The following NFKBID variants were observed in gnomAD, a reference collection of about 807,000 sequenced individuals.
The protein encoded by NFKBID is NFKB inhibitor delta, also known as NF-kappa-B inhibitor delta.
In NFKBID, 26 loss-of-function variants were observed where a neutral mutation model predicts 53.4. The ratio of observed to expected loss-of-function variants is 0.49; its 90% CI spans 0.36 to 0.68. The LOEUF is 0.68. NFKBID is among the 30% of genes least tolerant of loss of function. The pLI, the probability that NFKBID is intolerant of heterozygous loss-of-function variation, is 0.00. For missense variants in NFKBID, 493 were observed against 614.1 expected (o/e 0.80, Z 2.08); for synonymous variants, 262 against 259.8 (o/e 1.01, Z -0.08).
upstream of NFKBID, among the ~76,000 whole-genome samples, chr19:35,900,827 C>CTTTTTTTTTTTTTTTTTTTTTT (rs60365058): frequency 2.9e-4 from 31 of 107,604 alleles, no homozygotes; most frequent in South Asian, 6.1e-4. Flanking sequence ...TTTTTCTTTT[C>CTTTTTTTTTTTTTTTTTTTTTT]TTTTTTTTTT....
upstream of NFKBID, chr19:35,902,190 T>C (rs1439564553): frequency 1.4e-6 from 1 of 702,984 alleles, no homozygotes; most frequent in African/African-American, 1.7e-5. Context: ...CCCACTTCCC[T>C]ACCTTTCATC....
Position 35,889,889 on chromosome 19 carries a change from C to A in NFKBID, c.1314+1G>T, listed in dbSNP as rs1255111788. On this transcript the variant is annotated splice_donor_variant, in intron 11 of 11. Transcript: ENST00000641389. LOFTEE classifies it high-confidence loss of function. ...TACAGGCAGGCTCAGTGCTTACTTA[C>A]CCCCTCAGGGCCCGGCCCGGGCCGC... The A allele has an allele frequency of 6.2e-7, 1 of 1,604,754 alleles. No homozygotes were observed. The highest frequency in any genetic ancestry group is 8.5e-7 in the Non-Finnish European group (1 of 1,174,304).
intron 1 of NFKBID, 87 bp from the exon 2 acceptor site, chr19:35,898,909 G>A (rs557732315): frequency 1.0e-4 from 103 of 1,002,974 alleles, no homozygotes; most frequent in Non-Finnish European, 1.4e-4. Flanking sequence ...GTGGGTTTGG[G>A]CACCCTCCTC....
chr19:35,899,240 G>A (rs1212370895), intron 1 of NFKBID, among the ~76,000 whole-genome samples: 1 of 152,048 alleles, frequency 6.6e-6, no homozygotes, highest in Non-Finnish European at 1.5e-5. Flanking sequence ...CCTAGAACCT[G>A]ACCCGGAAAT....
At chr19:35,890,324 C>G (rs763237350) in intron 10 of NFKBID, 50 bp downstream of exon 10, 54 of 1,296,784 alleles carry the variant, frequency 4.2e-5, no homozygotes, top group Non-Finnish European at 5.7e-5. Flanking sequence ...ATCCCACTGC[C>G]CCCCCTACCG....
Position 35,888,628 on chromosome 19 carries a change from AG to A in NFKBID, c.1315-17del. 2 of 1,566,966 alleles carry A rather than the reference AG, an allele frequency of 1.3e-6. No homozygotes were observed. ...GCTGCCGGAGCTGTAGACAAGGCAA[AG>A]GAGGGAGAGAAGTCTGTCAGGTTGG... is the stretch of plus-strand genomic sequence containing the variant. On this transcript the variant is annotated splice_polypyrimidine_tract_variant and intron_variant, in intron 11 of 11. Coordinates refer to ENST00000641389, the Ensembl canonical transcript of NFKBID.
chr19:35,897,697 G>A (rs906325084), exon 4 of NFKBID: 18 of 1,610,434 alleles, frequency 1.1e-5, no homozygotes, highest in Non-Finnish European at 1.5e-5. Context: ...GTCCGAGGGT[G>A]GGTAGAAGTC....
At chr19:35,890,698 T>C (rs1974705572) in intron 9 of NFKBID, 2 of 610,786 alleles carry the variant, frequency 3.3e-6, no homozygotes, top group Non-Finnish European at 6.1e-6. Context: ...ACCTCATCTC[T>C]ACAAAAAATA....
chr19:35,887,960 A>C (rs1974511214), downstream of NFKBID: 1 of 152,196 alleles, frequency 6.6e-6, no homozygotes, highest in African/African-American at 2.4e-5. Context: ...AATCTGGCCC[A>C]AATTGAGTTT....
chr19:35,892,150 C>A (rs760674984), intron 9 of NFKBID, among the ~76,000 whole-genome samples: 10 of 151,910 alleles, frequency 6.6e-5, no homozygotes, highest in Non-Finnish European at 1.5e-4. Context: ...TCCCCAGGTT[C>A]AGGTGATCCT....
rs755748367 is a variant in NFKBID at position 35,896,536 on chromosome 19, G to A, written c.687C>T (p.Thr229=). Residue 229 remains threonine, a splice_region_variant and synonymous_variant, in exon 7 of 12, where the codon ACC becomes ACT. Transcript: ENST00000641389. This position sits in a 1 kb window ranked among gnomAD's most constrained non-coding sequence, Gnocchi z 5.7. ...TGGCAGCAGCCGCCACCAGGAGAGG[G>A]GTCTGCAGGCCACAGGAGAAGTCAG... is the stretch of plus-strand genomic sequence containing the variant. 3.7e-6 allele frequency: 6 copies of A among 1,613,934 alleles called. No individual in the cohort carries two copies. The highest frequency in any genetic ancestry group is 5.1e-6 in the Non-Finnish European group (6 of 1,179,868).
chr19:35,897,861 G>A lies in NFKBID; in HGVS notation c.227-5C>T, dbSNP rs530005747. Reference sequence around the variant, plus strand: ...GTGCTGGGAAGGGAGGGTGGCCTGCGTGTAAGAGGAGGGGCAGGGGCAGGT... The same window carrying A: ...GTGCTGGGAAGGGAGGGTGGCCTGCATGTAAGAGGAGGGGCAGGGGCAGGT... On this transcript the variant is annotated splice_region_variant and splice_polypyrimidine_tract_variant and intron_variant, in intron 3 of 11. Coordinates refer to ENST00000641389, the Ensembl canonical transcript of NFKBID. The A allele has an allele frequency of 9.1e-6, 14 of 1,539,206 alleles. No homozygotes were observed. The South Asian group carries it at 1.1e-4, about 12-fold the overall frequency.
chr19:35,897,110 G>C, intron 4 of NFKBID, 52 bp from the exon 5 acceptor site: 1 of 1,563,958 alleles, frequency 6.4e-7, no homozygotes. Flanking sequence ...GGTCCTGGAG[G>C]GTGCAGGTGG....
chr19:35,889,879 T>G lies in NFKBID; in HGVS notation c.1314+11A>C, dbSNP rs200591485. On this transcript the variant is annotated intron_variant, in intron 11 of 11. Coordinates refer to ENST00000641389, the Ensembl canonical transcript of NFKBID. ...GAGGCCACTCTACAGGCAGGCTCAGTGCTTACTTACCCCCTCAGGGCCCGG... is the reference window on the plus strand; with the variant it reads ...GAGGCCACTCTACAGGCAGGCTCAGGGCTTACTTACCCCCTCAGGGCCCGG... 262 of 1,599,732 alleles carry G rather than the reference T, an allele frequency of 1.6e-4. No individual in the cohort carries two copies. The highest frequency in any genetic ancestry group is 2.1e-4 in the Non-Finnish European group (249 of 1,170,698).
intron 9 of NFKBID, among the ~76,000 whole-genome samples, chr19:35,893,249 G>C (rs1259881981): frequency 6.6e-6 from 1 of 152,146 alleles, no homozygotes; most frequent in Admixed American, 6.6e-5. Context: ...CCAAAATTCT[G>C]AGTGAAGAAA....
At chr19:35,891,916 T>A (rs970603221) in intron 9 of NFKBID, among the ~76,000 whole-genome samples, 2 of 151,950 alleles carry the variant, frequency 1.3e-5, no homozygotes, top group Non-Finnish European at 2.9e-5. Context: ...AGGGTCTCGC[T>A]CTGTTGCCCA....
exon 4 of NFKBID, chr19:35,897,765 G>A (rs1975284985): frequency 6.2e-7 from 1 of 1,610,574 alleles, no homozygotes; most frequent in East Asian, 2.2e-5. Flanking sequence ...TGTCAGTGTA[G>A]GCAGCATGCG....
upstream of NFKBID, among the ~76,000 whole-genome samples, chr19:35,901,073 C>T (rs889470298): frequency 3.3e-5 from 5 of 151,870 alleles, no homozygotes; most frequent in African/African-American, 1.2e-4. Context: ...CCTCAGGTGA[C>T]CCGCCTGCCT....
At chr19:35,891,220 C>A (rs531382223) in intron 9 of NFKBID, among the ~76,000 whole-genome samples, 6 of 152,280 alleles carry the variant, frequency 3.9e-5, no homozygotes, top group African/African-American at 1.4e-4. Flanking sequence ...TTGAGCTGTT[C>A]CCATCATATT....
Sources: gnomAD v4.1 joint callset for allele counts (sites outside exome capture counted in the v4.1 genomes callset) on GRCh38, gnomAD v4.1.1 for gene constraint, Gnocchi (gnomAD v3.1) non-coding constraint, MANE v1.5 for transcripts, NCBI Gene and HGNC (gene_info 2026-07-23, HGNC 2026-07-21) for gene names.